The following MYO18B variants were observed in gnomAD, a reference collection of about 807,000 sequenced individuals.
MYO18B encodes myosin XVIIIB, also known as unconventional myosin-XVIIIb.
Under a neutral mutation model 273.0 loss-of-function variants are expected in MYO18B, and 204 were observed. The observed-to-expected ratio is 0.75, with a 90% confidence interval of 0.67 to 0.84. MYO18B has a LOEUF of 0.84. Among genes scored for constraint, MYO18B ranks in the 40% least tolerant of loss-of-function variants. The probability of loss-of-function intolerance (pLI) is 0.00; values close to 1 mark genes in which losing one functional copy is unlikely to be tolerated. For missense variants in MYO18B, 3,212 were observed against 3,287.6 expected (o/e 0.98, Z 0.56); for synonymous variants, 1,330 against 1,305.7 (o/e 1.02, Z -0.40).
At chr22:25,832,413 G>A (rs2089741533) in intron 15 of MYO18B, among the ~76,000 whole-genome samples, 3 of 152,074 alleles carry the variant, frequency 2.0e-5, no homozygotes, top group South Asian at 4.1e-4. Flanking sequence ...TACGAGATAC[G>A]CACTTACTAG....
Position 25,781,758 on chromosome 22 carries a change from G to A in MYO18B, c.2236G>A (p.Val746Met), listed in dbSNP as rs376765445. The change falls in exon 10 of 44, where the codon GTG (valine) becomes ATG (methionine). Residue 746 changes from valine to methionine, a missense_variant. Coordinates refer to ENST00000335473, the MANE Select transcript of MYO18B (RefSeq NM_032608.7). ...LQTMLLEKSR[V>M]ARQPEGESNF... is the part of the protein sequence containing the mutation. ...GACAATGCTTTTGGAGAAGAGCCGC[G>A]TGGCACGGCAGCCGGAAGGGGAAAG... 13 of 1,585,486 alleles carry A rather than the reference G, an allele frequency of 8.2e-6. No homozygotes were observed. The African/African-American group carries it at 1.1e-4, about 13-fold the overall frequency.
chr22:25,765,248 A>T (rs2086463628), intron 3 of MYO18B, among the ~76,000 whole-genome samples: 1 of 152,218 alleles, frequency 6.6e-6, no homozygotes, highest in Non-Finnish European at 1.5e-5. Flanking sequence ...AGGGAGCCTC[A>T]GGACATGTTT....
In MYO18B at chr22:25,898,422, A is replaced by C; in HGVS notation, c.4784A>C (p.Gln1595Pro). The change falls in exon 29 of 44, where the codon CAA becomes CCA. Residue 1595 changes from glutamine to proline, a missense_variant. Coordinates refer to ENST00000335473, the MANE Select transcript of MYO18B (RefSeq NM_032608.7). ...GATACCTGCGTCCTGCTAGAGAACC[A>C]ACAAAGTCGAAACCATGAGCTGGAG... ...LEDTCVLLEN[Q>P]QSRNHELEKK... 6.2e-7 allele frequency: 1 copy of C among 1,613,906 alleles called. No individual in the cohort carries two copies. Among genetic ancestry groups the C allele is most frequent in the Non-Finnish European group, 8.5e-7 (1 of 1,179,844 alleles).
rs573270987 is a variant in MYO18B at position 25,973,926 on chromosome 22, C to T, written c.6157-18437C>T. The stretch of plus-strand genomic sequence containing the variant: ...CTGGGGCAACAAATAGTAATACATA[C>T]TCATCTGAGCCTCATTTGGTCCCAC... On this transcript the variant is annotated intron_variant, in intron 39 of 43. Transcript: ENST00000335473. Among the ~76,000 whole-genome samples the T allele has an allele frequency of 5.9e-5, 9 of 152,282 alleles. No homozygotes were observed. In the South Asian group the frequency reaches 1.4e-3, roughly 25 times the overall value.
At chr22:25,815,327 C>T (rs531601402) in intron 12 of MYO18B, among the ~76,000 whole-genome samples, 17 of 152,334 alleles carry the variant, frequency 1.1e-4, no homozygotes, top group Admixed American at 3.3e-4. Context: ...CATAGACTTG[C>T]AGCTGGTCCA....
At position 25,798,072 on chromosome 22, in the gene MYO18B, C is replaced by T. The variant is rs1252797603; in HGVS notation, c.2496C>T (p.His832=). ...GGCGGGTCCTGGCAGCCATCTACCA[C>T]CTGGGTGCGGCGGGGGCCTGCAAAG... ...AVWRVLAAIY[H]LGAAGACKVG... Residue 832 remains histidine (H), a synonymous_variant, in exon 12 of 44, where the codon CAC becomes CAT. Coordinates refer to ENST00000335473, the MANE Select transcript of MYO18B (RefSeq NM_032608.7). 1.9e-6 allele frequency: 3 copies of T among 1,610,722 alleles called. No individual in the cohort carries two copies. The highest frequency in any genetic ancestry group is 1.7e-5 in the Admixed American group (1 of 59,960).
At position 25,790,875 on chromosome 22, in the gene MYO18B, G is replaced by A. The variant is rs545983934; in HGVS notation, c.2376+5384G>A. On this transcript the variant is annotated intron_variant, in intron 11 of 43. Transcript: ENST00000335473. ...CCAGAGAAGGGGATTAGAAAGCCTGGGGGTCCCATCCCTCAGTCATTGTGG... is the reference window on the plus strand; with the variant it reads ...CCAGAGAAGGGGATTAGAAAGCCTGAGGGTCCCATCCCTCAGTCATTGTGG... 3.0e-4 allele frequency among the ~76,000 whole-genome samples: 46 copies of A among 152,210 alleles called. No homozygotes were observed. In the South Asian group the frequency reaches 6.6e-3, roughly 22 times the overall value.
chr22:25,897,178 G>A (rs1386597962), intron 28 of MYO18B: 1 of 152,182 alleles, frequency 6.6e-6, no homozygotes, highest in Non-Finnish European at 1.5e-5. Flanking sequence ...GCCTCATCAT[G>A]TTGTATTGTA....
Position 25,890,769 on chromosome 22 carries a change from C to A in MYO18B, c.4328C>A (p.Thr1443Asn). Residue 1443 changes from threonine (T) to asparagine (N), a missense_variant, in exon 26 of 44, where the codon ACC becomes AAC. By Grantham distance (65) the Thr-to-Asn change is moderately conservative. Coordinates refer to ENST00000335473, the MANE Select transcript of MYO18B (RefSeq NM_032608.7). ...DLLESKIADL[T>N]SDLADERFKG... ...TCCCCATCTCAGATTGCTGACTTGA[C>A]CTCTGACCTTGCCGATGAGCGCTTC... 1.9e-6 allele frequency: 3 copies of A among 1,613,966 alleles called. No homozygotes were observed. The highest frequency in any genetic ancestry group is 2.5e-6 in the Non-Finnish European group (3 of 1,179,872).
intron 13 of MYO18B, 41 bp downstream of exon 13, chr22:25,823,719 C>G (rs1230999081): frequency 6.2e-7 from 1 of 1,600,414 alleles, no homozygotes; most frequent in Non-Finnish European, 8.6e-7. Flanking sequence ...GGGCCCCCCT[C>G]TGGGCCAGCT....
chr22:26,021,095 TAAAGA>T (rs1049316964), intron 42 of MYO18B, among the ~76,000 whole-genome samples: 1 of 151,940 alleles, frequency 6.6e-6, no homozygotes. Flanking sequence ...TCTCAAAAAA[TAAAGA>T]AAAGAAAAAA....
At chr22:25,802,842 A>T (rs891368985) in intron 12 of MYO18B, among the ~76,000 whole-genome samples, 3 of 151,896 alleles carry the variant, frequency 2.0e-5, no homozygotes, top group African/African-American at 7.2e-5. Flanking sequence ...CCCCAGCCAT[A>T]AACAACCATG....
intron 42 of MYO18B, among the ~76,000 whole-genome samples, chr22:26,014,676 C>T (rs1351205917): frequency 6.6e-6 from 1 of 152,198 alleles, no homozygotes; most frequent in Non-Finnish European, 1.5e-5. Context: ...ACACTTCCAC[C>T]AACAGTGTAT....
chr22:26,028,098 A>G (rs1936399783), intron 43 of MYO18B, among the ~76,000 whole-genome samples: 1 of 152,004 alleles, frequency 6.6e-6, no homozygotes, highest in Non-Finnish European at 1.5e-5. Context: ...ACAAAAAATT[A>G]GCCAGGTGTC....
At chr22:26,040,540 G>C in the MYO18B span, among the ~76,000 whole-genome samples, 1 of 152,210 alleles carries the variant, frequency 6.6e-6, no homozygotes, top group South Asian at 2.1e-4. Flanking sequence ...AAGCCTGGAG[G>C]AGGAAAATAA....
At chr22:25,997,179 C>CG (rs1933346981) in intron 40 of MYO18B, among the ~76,000 whole-genome samples, 1 of 151,610 alleles carries the variant, frequency 6.6e-6, no homozygotes, top group African/African-American at 2.4e-5. Flanking sequence ...AAAAATTAGC[C>CG]GGGCTTGGTG....
At chr22:25,891,185 C>A (rs1239491383) in intron 26 of MYO18B, 119 bp from the exon 27 acceptor site, 6 of 786,478 alleles carry the variant, frequency 7.6e-6, no homozygotes, top group African/African-American at 5.3e-5. Flanking sequence ...CTGGATTCTG[C>A]ATGGCTCAGG....
rs771862908 is a variant in MYO18B at position 26,026,823 on chromosome 22, G to A, written c.6849G>A (p.Thr2283=). ...GGCCCACTCTCCCCATTTACCAGAC[G>A]ACTGGGGCCTCCACACTAAGGAGGG... ...EDWPTLPIYQ[T]TGASTLRRGR... Residue 2283 remains threonine, a synonymous_variant, in exon 43 of 44, where the codon ACG becomes ACA. Coordinates refer to ENST00000335473, the MANE Select transcript of MYO18B (RefSeq NM_032608.7). 2.8e-5 allele frequency: 44 copies of A among 1,593,388 alleles called. No homozygotes were observed. The African/African-American group carries it at 4.6e-4, about 17-fold the overall frequency.
chr22:25,887,351 C>T (rs563157937), intron 25 of MYO18B, among the ~76,000 whole-genome samples: 1 of 152,282 alleles, frequency 6.6e-6, no homozygotes, highest in African/African-American at 2.4e-5. Context: ...TTACTCACTG[C>T]TCGCCCAAGC....
Sources: allele counts gnomAD v4.1 joint callset (sites outside exome capture counted in the v4.1 genomes callset), GRCh38; gene constraint gnomAD v4.1.1; transcripts MANE v1.5; gene names NCBI Gene and HGNC (gene_info 2026-07-23, HGNC 2026-07-21).